The following GCLC variants were observed in gnomAD, a reference collection of about 807,000 sequenced individuals.
GCLC encodes glutamate-cysteine ligase catalytic subunit.
GCLC carries 30 observed loss-of-function variants against 81.5 expected under a neutral mutation model. The observed-to-expected ratio is 0.37, with a 90% CI of 0.28 to 0.50. The LOEUF is 0.50. Ranked by LOEUF, GCLC falls within the 20% of genes least tolerant of loss-of-function variation. The probability of loss-of-function intolerance (pLI) is 0.96; values close to 1 mark genes in which losing one functional copy is unlikely to be tolerated. For missense variants in GCLC, 556 were observed against 777.4 expected (o/e 0.72, Z 3.39); for synonymous variants, 262 against 273.3 (o/e 0.96, Z 0.41).
intron 6 of GCLC, among the ~76,000 whole-genome samples, chr6:53,511,947 C>CTTTTT (rs535000790): frequency 1.8e-5 from 2 of 113,562 alleles, no homozygotes; most frequent in Non-Finnish European, 3.7e-5. Flanking sequence ...GAACTTAGTG[C>CTTTTT]TTTTTTTTTT....
intron 12 of GCLC, among the ~76,000 whole-genome samples, chr6:53,503,940 T>TAATA (rs1312866583): frequency 1.3e-5 from 2 of 152,204 alleles, no homozygotes; most frequent in African/African-American, 4.8e-5. Context: ...GTGAGAATAC[T>TAATA]CACCATTAAA....
At position 53,544,675 on chromosome 6, in the gene GCLC, CCGGGCTGACGG is replaced by C. The variant is rs1260392292; in HGVS notation, c.-41_-31del. 4 of 1,572,802 alleles carry C rather than the reference CCGGGCTGACGG, an allele frequency of 2.5e-6. No homozygotes were observed. Among genetic ancestry groups the C allele is most frequent in the Non-Finnish European group, 3.4e-6 (4 of 1,166,666 alleles). On this transcript the variant is annotated 5_prime_UTR_variant, in exon 1 of 16. Transcript: ENST00000650454. ...GCCCCCTCCTCCTCCTCCTCCTCCTCCGGGCTGACGGCGGTCGCCCGCTCCGGGCGCGAGAC... is the reference window on the plus strand; with the variant it reads ...GCCCCCTCCTCCTCCTCCTCCTCCTCCGGTCGCCCGCTCCGGGCGCGAGAC...
chr6:53,514,609 C>G (rs1764829570), intron 4 of GCLC, 112 bp from the exon 5 acceptor site: 1 of 800,340 alleles, frequency 1.2e-6, no homozygotes, highest in South Asian at 1.4e-5. Flanking sequence ...AATTAGTTAT[C>G]TAAGACAACT....
intron 9 of GCLC, chr6:53,507,226 C>T: frequency 1.5e-6 from 1 of 660,776 alleles, no homozygotes; most frequent in East Asian, 2.7e-5. Flanking sequence ...TTATTCACTA[C>T]TTACACAATG....
At chr6:53,514,012 G>C (rs964127281) in intron 6 of GCLC, 192 bp downstream of exon 6, 1 of 621,438 alleles carries the variant, frequency 1.6e-6, no homozygotes, top group Admixed American at 2.7e-5. Context: ...AACAGAGTCT[G>C]TAGAACTATT....
intron 15 of GCLC, among the ~76,000 whole-genome samples, chr6:53,499,527 T>A (rs936449138): frequency 3.3e-5 from 5 of 152,158 alleles, no homozygotes; most frequent in Non-Finnish European, 5.9e-5. Flanking sequence ...GCCATTACCA[T>A]TATTGCTGTC....
At chr6:53,502,069 C>A (rs919750482) in intron 12 of GCLC, among the ~76,000 whole-genome samples, 9 of 152,190 alleles carry the variant, frequency 5.9e-5, no homozygotes, top group African/African-American at 2.2e-4. Flanking sequence ...TCCAGAGTAT[C>A]TCTTTCGTTG....
intron 7 of GCLC, among the ~76,000 whole-genome samples, chr6:53,508,938 G>A (rs1354208217): frequency 6.6e-6 from 1 of 152,172 alleles, no homozygotes; most frequent in African/African-American, 2.4e-5. Flanking sequence ...AAGTATGGGG[G>A]AGGGAAAATG....
chr6:53,543,944 T>C (rs1363206329), intron 1 of GCLC, among the ~76,000 whole-genome samples: 1 of 152,182 alleles, frequency 6.6e-6, no homozygotes, highest in Non-Finnish European at 1.5e-5. Flanking sequence ...CGTAATTTAC[T>C]GGTTTCAATT....
At position 53,511,302 on chromosome 6, in the gene GCLC, T is replaced by A. The variant is rs907860098; in HGVS notation, c.754-2052A>T. ...CCAAACTGACAAGGCATTGAGATTT[T>A]AAAAAAACCAAAAAACAAAAAACTA... On this transcript the variant is annotated intron_variant, in intron 6 of 15. Transcript: ENST00000650454. Among the ~76,000 whole-genome samples, 13 of 152,200 alleles carry A rather than the reference T, an allele frequency of 8.5e-5. No homozygotes were observed. In the East Asian group the frequency reaches 1.2e-3, roughly 14 times the overall value.
At chr6:53,508,758 A>T in intron 7 of GCLC, 47 bp from the exon 8 acceptor site, 1 of 1,271,568 alleles carries the variant, frequency 7.9e-7, no homozygotes, top group South Asian at 1.2e-5. Flanking sequence ...AGTGTCACTT[A>T]CATGCTAAAA....
chr6:53,538,156 TTTTTTTTA>T (rs1763289173), intron 1 of GCLC, among the ~76,000 whole-genome samples: 1 of 135,398 alleles, frequency 7.4e-6, no homozygotes, highest in African/African-American at 2.9e-5. Flanking sequence ...TTTTTTTTTT[TTTTTTTTA>T]AAGAGATGGG....
chr6:53,531,320 T>C (rs570919430), intron 1 of GCLC, among the ~76,000 whole-genome samples: 127 of 152,292 alleles, frequency 8.3e-4, no homozygotes, highest in African/African-American at 2.9e-3. Flanking sequence ...ATGTCACTCA[T>C]GGGAAGGGAA....
At chr6:53,507,879 A>G (rs1764647345) in intron 8 of GCLC, among the ~76,000 whole-genome samples, 2 of 152,202 alleles carry the variant, frequency 1.3e-5, no homozygotes, top group African/African-American at 4.8e-5. Context: ...GAAAATAAAT[A>G]CTAAGGTTAA....
In GCLC at chr6:53,505,482, G is replaced by T; in HGVS notation, c.1305C>A (p.Asp435Glu). 2 of 1,579,844 alleles carry T rather than the reference G, an allele frequency of 1.3e-6. No individual in the cohort carries two copies. Among genetic ancestry groups the T allele is most frequent in the Non-Finnish European group, 1.7e-6 (2 of 1,148,984 alleles). ...ACACCACATAGGCAGAGTTCTCAAA[G>T]TCTGTTAATTGCACCTAGACAAGCA... Reference protein sequence around the residue: ...EFRPMEVQLTDFENSAYVVFV... With the variant: ...EFRPMEVQLTEFENSAYVVFV... Residue 435 changes from aspartate to glutamate, a missense_variant, in exon 12 of 16, where the codon GAC becomes GAA. Asp to Glu is a conservative substitution (Grantham distance 45, BLOSUM62 2). This residue lies in a region of GCLC where 313 missense variants were observed against 437.3 expected (regional missense o/e 0.72). Transcript: ENST00000650454.
chr6:53,543,725 A>C (rs17878942), intron 1 of GCLC, among the ~76,000 whole-genome samples: 2,193 of 152,346 alleles, frequency 0.014, 44 homozygotes, highest in African/African-American at 0.05. Context: ...ACATTGCTGC[A>C]TTCCAGATCA....
At chr6:53,531,668 A>G (rs771599094) in intron 1 of GCLC, among the ~76,000 whole-genome samples, 18 of 152,248 alleles carry the variant, frequency 1.2e-4, no homozygotes, top group Non-Finnish European at 2.6e-4. Context: ...TTACCTCAGT[A>G]TTTCAAGAGC....
intron 6 of GCLC, among the ~76,000 whole-genome samples, chr6:53,512,651 T>G (rs1412441943): frequency 1.3e-5 from 2 of 152,158 alleles, no homozygotes; most frequent in African/African-American, 4.8e-5. Flanking sequence ...ACTGTACATG[T>G]CACTGGGAAA....
chr6:53,524,184 G>A (rs1490773365), intron 1 of GCLC, among the ~76,000 whole-genome samples: 1 of 152,206 alleles, frequency 6.6e-6, no homozygotes, highest in East Asian at 1.9e-4. Flanking sequence ...AACCCAGCAT[G>A]CAAAAGCAGG....
Sources: gnomAD v4.1 joint callset for allele counts (sites outside exome capture counted in the v4.1 genomes callset) on GRCh38, gnomAD v4.1.1 for gene constraint, gnomAD v4.1.1 regional missense constraint, MANE v1.5 for transcripts, NCBI Gene and HGNC (gene_info 2026-07-23, HGNC 2026-07-21) for gene names.